The following TOP3B variants were observed in gnomAD, a reference collection of about 807,000 sequenced individuals.
TOP3B encodes DNA topoisomerase III beta.
In TOP3B, 45 loss-of-function variants were observed where a neutral mutation model predicts 93.9. The ratio of observed to expected loss-of-function variants is 0.48; its 90% confidence interval spans 0.38 to 0.61. The LOEUF is 0.61. Ranked by LOEUF, TOP3B falls within the 20% of genes least tolerant of loss-of-function variation. TOP3B has a pLI of 0.00. For synonymous variants in TOP3B, 357 were observed against 472.6 expected (o/e 0.76, Z 3.17); for missense variants, 750 against 1,156.1 (o/e 0.65, Z 5.09).
At position 21,958,639 on chromosome 22, in the gene TOP3B, G is replaced by T. The variant is rs748802931; in HGVS notation, c.1960C>A (p.Gln654Lys). Residue 654 changes from glutamine to lysine, a missense_variant, in exon 17 of 18, where the codon CAG becomes AAG. By Grantham distance (53) the Gln-to-Lys change is moderately conservative. Transcript: ENST00000357179. ...SHCDETYTLP[Q>K]NGTIKLYKEL... ...TTGTAGAGCTTGATGGTGCCGTTCT[G>T]GGGGAGCGTGTAGGTCTCATCGCAG... The T allele has an allele frequency of 7.4e-6, 12 of 1,613,638 alleles. No individual in the cohort carries two copies. The highest frequency in any genetic ancestry group is 4.2e-6 in the Non-Finnish European group (5 of 1,179,968).
chr22:21,972,217 G>C, intron 4 of TOP3B: 1 of 494,798 alleles, frequency 2.0e-6, no homozygotes, highest in Non-Finnish European at 3.6e-6. Context: ...CAGAAGAAGG[G>C]TTAAAATGAA....
Position 21,958,639 on chromosome 22 carries a change from G to A in TOP3B, c.1960C>T (p.Gln654Ter). ...SHCDETYTLP[Q>*]NGTIKLYKEL... ...TTGTAGAGCTTGATGGTGCCGTTCT[G>A]GGGGAGCGTGTAGGTCTCATCGCAG... Residue 654 changes from glutamine to a stop codon, truncating the protein, a stop_gained, in exon 17 of 18, where the codon CAG (glutamine) becomes TAG (stop). Coordinates refer to ENST00000357179, the MANE Select transcript of TOP3B (RefSeq NM_001282112.2). LOFTEE classifies it high-confidence loss of function. 6.2e-7 allele frequency: 1 copy of A among 1,613,756 alleles called. No homozygotes were observed. Among genetic ancestry groups the A allele is most frequent in the Non-Finnish European group, 8.5e-7 (1 of 1,179,960 alleles).
chr22:21,978,197 C>A (rs1311821852), intron 1 of TOP3B, among the ~76,000 whole-genome samples: 1 of 151,112 alleles, frequency 6.6e-6, no homozygotes, highest in African/African-American at 2.4e-5. Context: ...GTGGAGGATG[C>A]GAGGGAAGTC....
At chr22:21,966,035 G>GCA (rs2145848658) in intron 8 of TOP3B, 2 of 152,292 alleles carry the variant, frequency 1.3e-5, no homozygotes, top group South Asian at 4.1e-4. Flanking sequence ...GAAACCACAG[G>GCA]CACACACCAT....
At chr22:21,972,538 G>A (rs2071682691) in intron 4 of TOP3B, 74 bp downstream of exon 4, 1 of 1,180,222 alleles carries the variant, frequency 8.5e-7, no homozygotes, top group Non-Finnish European at 1.2e-6. Context: ...ACTCAAGCAA[G>A]GGTGGGCAAA....
intron 17 of TOP3B, 140 bp downstream of exon 17, chr22:21,958,352 G>A (rs1179619586): frequency 2.7e-6 from 4 of 1,502,640 alleles, no homozygotes; most frequent in East Asian, 2.4e-5. Flanking sequence ...CTACATCCAG[G>A]GTCTCTCGTC....
chr22:21,974,768 A>G (rs1490261400), intron 2 of TOP3B: 1 of 279,340 alleles, frequency 3.6e-6, no homozygotes, highest in African/African-American at 2.2e-5. Flanking sequence ...CTTTCTCTGT[A>G]TTTATGTTTT....
chr22:21,963,002 G>A lies in TOP3B; in HGVS notation c.1205-109C>T. ...AAGCTCCTGCTTACAGAGCCGCTGT[G>A]CAGGACACACTGCAAATCCTGGGGA... On this transcript the variant is annotated intron_variant, in intron 11 of 17. Coordinates refer to ENST00000357179, the MANE Select transcript of TOP3B (RefSeq NM_001282112.2). The surrounding 1 kb of genome is among the most constrained non-coding windows in gnomAD (Gnocchi z 4.8). The A allele has an allele frequency of 7.4e-7, 1 of 1,353,210 alleles. No individual in the cohort carries two copies. The highest frequency in any genetic ancestry group is 1.0e-6 in the Non-Finnish European group (1 of 971,844). 83.8% of individuals were successfully genotyped at this position (1,353,210 alleles called of 1,614,324 possible). A position where few individuals can be genotyped will look rare whatever the true frequency, so the allele number is the denominator to read the frequency against.
chr22:21,981,918 A>G (rs2084639780), intron 1 of TOP3B, among the ~76,000 whole-genome samples: 1 of 152,212 alleles, frequency 6.6e-6, no homozygotes, highest in Admixed American at 6.5e-5. Context: ...TGCTTCTAGA[A>G]TCAGGAAAAG....
chr22:21,964,875 G>C (rs1334369472), intron 9 of TOP3B: 1 of 176,742 alleles, frequency 5.7e-6, no homozygotes, highest in African/African-American at 2.4e-5. Context: ...TGTCCACTGA[G>C]AGGACACTGC....
chr22:21,970,153 G>GT lies in TOP3B; in HGVS notation c.581+56dup, dbSNP rs1420218725. The GT allele has an allele frequency of 4.4e-6, 7 of 1,577,478 alleles. No homozygotes were observed. In the African/African-American group the frequency reaches 9.5e-5, roughly 21 times the overall value. On this transcript the variant is annotated intron_variant, in intron 6 of 17. Transcript: ENST00000357179. This position sits in a 1 kb window ranked among gnomAD's most constrained non-coding sequence, Gnocchi z 4.4. ...CCCGGAGGGGGACCAGTAGAGGCAG[G>GT]TCTCTGGCTGAGGGAGAGTGAGGGT...
chr22:21,979,586 AT>A (rs566394951), intron 1 of TOP3B, among the ~76,000 whole-genome samples: 68 of 152,218 alleles, frequency 4.5e-4, no homozygotes, highest in African/African-American at 1.5e-3. Context: ...AGCATTATCA[AT>A]CATGATAAAA....
intron 6 of TOP3B, 99 bp from the exon 7 acceptor site, chr22:21,968,874 G>T (rs1156247275): frequency 2.9e-6 from 4 of 1,383,510 alleles, no homozygotes; most frequent in Non-Finnish European, 4.0e-6. Context: ...GGTGCATGAA[G>T]GAGGTGGCAT....
At chr22:21,967,223 G>A (rs867038781) in intron 8 of TOP3B, 16 of 186,522 alleles carry the variant, frequency 8.6e-5, no homozygotes, top group Middle Eastern at 2.1e-3. Context: ...CTGTGACCTT[G>A]GGCAAGTTCA....
rs1415478648 is a variant in TOP3B, at chr22:21,960,656, G to A, written c.1526-207C>T. 5 of 661,962 alleles carry A rather than the reference G, an allele frequency of 7.6e-6. No homozygotes were observed. The East Asian group carries it at 1.4e-4, about 19-fold the overall frequency. The allele number at this position is 661,962 out of a possible 1,614,324, so 41.0% of individuals were successfully genotyped here. A position where few individuals can be genotyped will look rare whatever the true frequency, so the allele number is the denominator to read the frequency against. ...CATGTTCTGCCTTGAGAACACAAGG[G>A]CAGCCCTCCCTGTACAGGGCGCCTA... On this transcript the variant is annotated intron_variant, in intron 13 of 17. Coordinates refer to ENST00000357179, the MANE Select transcript of TOP3B (RefSeq NM_001282112.2).
chr22:21,959,187 G>T lies in TOP3B; in HGVS notation c.1850C>A (p.Thr617Lys). The T allele has an allele frequency of 6.2e-7, 1 of 1,613,706 alleles. No individual in the cohort carries two copies. Among genetic ancestry groups the T allele is most frequent in the East Asian group, 2.2e-5 (1 of 44,870 alleles). ...MEVSFSPLAA[T>K]GKPLSRCGKC... is the part of the protein sequence containing the mutation. Reference sequence around the variant, plus strand: ...CCCACAGCGTGAGAGGGGCTTGCCTGTGGCCGCCAGGGGCGAGAAAGACAC... The same window carrying T: ...CCCACAGCGTGAGAGGGGCTTGCCTTTGGCCGCCAGGGGCGAGAAAGACAC... Residue 617 changes from threonine to lysine, a missense_variant, in exon 16 of 18, where the codon ACA becomes AAA. By Grantham distance (78) the Thr-to-Lys change is moderately conservative (BLOSUM62 -1). This residue lies in a region of TOP3B where 737 missense variants were observed against 933.7 expected (regional missense o/e 0.79). Coordinates refer to ENST00000357179, the MANE Select transcript of TOP3B (RefSeq NM_001282112.2).
At position 21,970,318 on chromosome 22, in the gene TOP3B, G is replaced by C; in HGVS notation, c.473C>G (p.Thr158Arg). The stretch of plus-strand genomic sequence containing the variant: ...GCAGGCCATGGCATTACAGATGTCT[G>C]TGTCCGTGATGGAGCTAAACCTGGC... ...FRARFSSITDTDICNAMACLG... is the reference protein window; with the variant it reads ...FRARFSSITDRDICNAMACLG... Residue 158 changes from threonine to arginine, a missense_variant, in exon 6 of 18, where the codon ACA (threonine) becomes AGA (arginine). Physicochemically the swap from Thr to Arg is moderately conservative, Grantham distance 71. Transcript: ENST00000357179. The surrounding 1 kb of genome is among the most constrained non-coding windows in gnomAD (Gnocchi z 4.4). 2.5e-6 allele frequency: 4 copies of C among 1,614,100 alleles called. No homozygotes were observed. Among genetic ancestry groups the C allele is most frequent in the Non-Finnish European group, 3.4e-6 (4 of 1,180,016 alleles).
In TOP3B at chr22:21,972,663, G is replaced by T. The variant is rs778903590; in HGVS notation, c.258C>A (p.Pro86=). The stretch of plus-strand genomic sequence containing the variant: ...TGGGGTTAGCTTCTTTCTTCTCCGT[G>T]GGAGCTTGGCTGAACAGTTCTGCGG... ...VDPAELFSQA[P]TEKKEANPKL... The change falls in exon 4 of 18, where the codon CCC becomes CCA. Residue 86 remains proline (P), a synonymous_variant. Transcript: ENST00000357179. The T allele has an allele frequency of 1.2e-6, 2 of 1,612,454 alleles. No homozygotes were observed. Among genetic ancestry groups the T allele is most frequent in the East Asian group, 2.2e-5 (1 of 44,826 alleles).
rs142196057 is a variant in TOP3B, at chr22:21,958,507, G to A, written c.2092C>T (p.Arg698Ter). The A allele has an allele frequency of 8.7e-6, 14 of 1,613,928 alleles. No individual in the cohort carries two copies. In the African/African-American group the frequency reaches 1.6e-4, roughly 18 times the overall value. The change falls in exon 17 of 18, where the codon CGA becomes TGA. Residue 698 changes from arginine to a stop codon, truncating the protein, a stop_gained. Coordinates refer to ENST00000357179, the MANE Select transcript of TOP3B (RefSeq NM_001282112.2). LOFTEE classifies it high-confidence loss of function. Reference sequence around the variant, plus strand: ...CTGCACTCACCTTTCTTCATGTCTCGGAAGGGTGGGTGGTTGTAGCAGTAG... The same window carrying A: ...CTGCACTCACCTTTCTTCATGTCTCAGAAGGGTGGGTGGTTGTAGCAGTAG... Reference protein sequence around the residue: ...CPYCYNHPPFRDMKKGMGCNE... With the variant: ...CPYCYNHPPF
Sources: allele counts gnomAD v4.1 joint callset (sites outside exome capture counted in the v4.1 genomes callset), GRCh38; gene constraint gnomAD v4.1.1; regional missense constraint gnomAD v4.1.1; non-coding constraint Gnocchi (gnomAD v3.1); transcripts MANE v1.5; gene names NCBI Gene and HGNC (gene_info 2026-07-23, HGNC 2026-07-21).